EYA3: variants seen among roughly 807,000 people sequenced by gnomAD.
EYA3 encodes protein phosphatase EYA3.
EYA3 carries 39 observed loss-of-function variants against 80.0 expected under a neutral mutation model. That is an observed-to-expected ratio of 0.49 (90% CI 0.38 to 0.64). The LOEUF is 0.64. Among genes scored for constraint, EYA3 ranks in the 30% least tolerant of loss-of-function variants. The pLI is 0.00. For missense variants in EYA3, 523 were observed against 676.1 expected (o/e 0.77, Z 2.51); for synonymous variants, 206 against 232.8 (o/e 0.88, Z 1.05).
intron 10 of EYA3, among the ~76,000 whole-genome samples, chr1:28,005,442 A>C (rs550706544): frequency 1.3e-5 from 2 of 152,238 alleles, no homozygotes; most frequent in Non-Finnish European, 2.9e-5. Flanking sequence ...GGCCAGGCAC[A>C]GTGGCTCACA....
At chr1:28,026,760 G>GA (rs200588336) in intron 7 of EYA3, among the ~76,000 whole-genome samples, 26,188 of 138,934 alleles carry the variant, frequency 0.19, 2,831 homozygotes, top group East Asian at 0.26. Context: ...GACAAGGGGA[G>GA]AAAAAAAAAA....
At chr1:28,028,296 G>C (rs1318041145) in intron 6 of EYA3, among the ~76,000 whole-genome samples, 1 of 152,152 alleles carries the variant, frequency 6.6e-6, no homozygotes, top group Admixed American at 6.5e-5. Flanking sequence ...TATCCAAACT[G>C]TCAAGGTAGG....
chr1:28,072,645 A>T (rs1326979319), intron 1 of EYA3, among the ~76,000 whole-genome samples: 1 of 152,236 alleles, frequency 6.6e-6, no homozygotes, highest in Non-Finnish European at 1.5e-5. Context: ...GGTACAGTTC[A>T]GCCAGTCATG....
At chr1:28,033,146 G>A (rs1014549125) in intron 6 of EYA3, among the ~76,000 whole-genome samples, 2 of 151,928 alleles carry the variant, frequency 1.3e-5, no homozygotes, top group Admixed American at 6.6e-5. Flanking sequence ...GAAATAAAAC[G>A]AATTAGCTAA....
At chr1:28,087,783 G>A (rs1557663256) in intron 1 of EYA3, among the ~76,000 whole-genome samples, 1 of 152,340 alleles carries the variant, frequency 6.6e-6, no homozygotes, top group East Asian at 1.9e-4. Context: ...ACTGCTAGCA[G>A]TACCGTGTGC....
At chr1:28,068,018 C>G (rs1644893127) in intron 1 of EYA3, among the ~76,000 whole-genome samples, 1 of 152,054 alleles carries the variant, frequency 6.6e-6, no homozygotes, top group South Asian at 2.1e-4. Flanking sequence ...AGTTTTTTGT[C>G]CTCTTTATGT....
chr1:27,990,569 T>C (rs1474145819), intron 14 of EYA3: 3 of 151,534 alleles, frequency 2.0e-5, no homozygotes, highest in African/African-American at 4.9e-5. Flanking sequence ...TTTTTTTTTT[T>C]CTGAGATGGA....
Position 28,074,855 on chromosome 1 carries a change from ACT to A in EYA3, c.-69+13667_-69+13668del, listed in dbSNP as rs1645148426. 2.0e-5 allele frequency among the ~76,000 whole-genome samples: 3 copies of A among 152,140 alleles called. No homozygotes were observed. In the South Asian group the frequency reaches 6.2e-4, roughly 32 times the overall value. The stretch of plus-strand genomic sequence containing the variant: ...CCCCTACCAGGTATTTGTTGTTATT[ACT>A]GTTTACTGTTGTTACTGTTTATTGT... On this transcript the variant is annotated intron_variant, in intron 1 of 17. Coordinates refer to ENST00000373871, the MANE Select transcript of EYA3 (RefSeq NM_001990.4).
At position 28,042,561 on chromosome 1, in the gene EYA3, T is replaced by C; in HGVS notation, c.157+10A>G. The C allele has an allele frequency of 1.2e-6, 2 of 1,610,256 alleles. No homozygotes were observed. The highest frequency in any genetic ancestry group is 1.1e-5 in the South Asian group (1 of 91,010). On this transcript the variant is annotated intron_variant, in intron 4 of 17. Transcript: ENST00000373871. The stretch of plus-strand genomic sequence containing the variant: ...TATCTGTTCAATCATGCACAGAATA[T>C]GGTACTTACTTTCCTCTGACATGGG...
intron 1 of EYA3, among the ~76,000 whole-genome samples, chr1:28,066,002 G>A (rs1467857927): frequency 2.0e-5 from 3 of 150,374 alleles, no homozygotes; most frequent in Non-Finnish European, 4.4e-5. Context: ...GTGAAACTCT[G>A]TCTCAAAAAA....
chr1:28,007,537 G>A (rs925426962), intron 10 of EYA3, among the ~76,000 whole-genome samples: 1 of 151,828 alleles, frequency 6.6e-6, no homozygotes, highest in South Asian at 2.1e-4. Flanking sequence ...GTTTCACCAT[G>A]TTGGTCAGGC....
At chr1:28,048,263 G>T in intron 3 of EYA3, 120 bp downstream of exon 3, 1 of 598,594 alleles carries the variant, frequency 1.7e-6, no homozygotes, top group Non-Finnish European at 2.9e-6. Context: ...ATTTCAAAAT[G>T]TAACAGCTGA....
intron 10 of EYA3, among the ~76,000 whole-genome samples, chr1:28,007,526 G>T (rs1446192104): frequency 6.6e-6 from 1 of 151,494 alleles, no homozygotes; most frequent in South Asian, 2.1e-4. Context: ...GTAGAGACGG[G>T]GTTTCACCAT....
chr1:28,074,364 A>G (rs1645130569), intron 1 of EYA3, among the ~76,000 whole-genome samples: 1 of 152,150 alleles, frequency 6.6e-6, no homozygotes, highest in Non-Finnish European at 1.5e-5. Flanking sequence ...TTAGACTTTC[A>G]ATTTCCATAA....
At chr1:28,075,237 A>G (rs760801323) in intron 1 of EYA3, among the ~76,000 whole-genome samples, 2 of 152,220 alleles carry the variant, frequency 1.3e-5, no homozygotes, top group Admixed American at 6.5e-5. Flanking sequence ...TCCCAGAAAT[A>G]TACCAGAGCT....
At chr1:28,019,546 CAGGTGATTTA>C (rs953022182) in intron 7 of EYA3, among the ~76,000 whole-genome samples, 5 of 152,140 alleles carry the variant, frequency 3.3e-5, no homozygotes, top group African/African-American at 1.2e-4. Flanking sequence ...AAACTGAACA[CAGGTGATTTA>C]AGGTGGGAAA....
chr1:28,005,597 C>T (rs1571774229), intron 10 of EYA3, among the ~76,000 whole-genome samples: 1 of 151,834 alleles, frequency 6.6e-6, no homozygotes, highest in East Asian at 1.9e-4. Context: ...TGCCGGTAGT[C>T]CCAGCTACTT....
At chr1:28,022,507 T>C (rs1188244726) in intron 7 of EYA3, among the ~76,000 whole-genome samples, 1 of 152,170 alleles carries the variant, frequency 6.6e-6, no homozygotes, top group Non-Finnish European at 1.5e-5. Flanking sequence ...GGGTTTAGAA[T>C]GATCTATGTA....
intron 6 of EYA3, among the ~76,000 whole-genome samples, chr1:28,034,287 A>C (rs1020599273): frequency 6.6e-6 from 1 of 152,160 alleles, no homozygotes; most frequent in Admixed American, 6.5e-5. Flanking sequence ...TCAAAACAGA[A>C]GATTTAAAAA....
Sources: allele counts gnomAD v4.1 joint callset (sites outside exome capture counted in the v4.1 genomes callset), GRCh38; gene constraint gnomAD v4.1.1; transcripts MANE v1.5; gene names NCBI Gene and HGNC (gene_info 2026-07-23, HGNC 2026-07-21).